The following SFXN5 variants were observed in gnomAD, a reference collection of about 807,000 sequenced individuals.
SFXN5 encodes sideroflexin-5.
Under a neutral mutation model 50.2 loss-of-function variants are expected in SFXN5, and 43 were observed. That is an observed-to-expected ratio of 0.86 (90% CI 0.67 to 1.11). The LOEUF is 1.11. Among genes scored for constraint, SFXN5 ranks in the 50% least tolerant of loss-of-function variants. The probability of loss-of-function intolerance (pLI) is 0.00; values close to 1 mark genes in which losing one functional copy is unlikely to be tolerated. For synonymous variants in SFXN5, 203 were observed against 185.8 expected, an observed-to-expected ratio of 1.09 and a Z score of -0.75; for missense variants, 463 against 454.1, an observed-to-expected ratio of 1.02 and a Z score of -0.18.
intron 2 of SFXN5, among the ~76,000 whole-genome samples, chr2:73,055,583 CT>C (rs964640477): frequency 1.3e-5 from 2 of 148,232 alleles, no homozygotes; most frequent in African/African-American, 5.0e-5. Context: ...GGGTGGATTT[CT>C]TTTTTTTCTT....
At chr2:73,029,071 G>A (rs952835234) in intron 3 of SFXN5, among the ~76,000 whole-genome samples, 16 of 152,172 alleles carry the variant, frequency 1.1e-4, no homozygotes, top group Non-Finnish European at 1.8e-4. Flanking sequence ...TCCTGGGACC[G>A]GGTGCTGGCT....
intron 9 of SFXN5, among the ~76,000 whole-genome samples, chr2:72,993,895 A>T (rs1367845118): frequency 6.6e-6 from 1 of 152,162 alleles, no homozygotes; most frequent in Non-Finnish European, 1.5e-5. Context: ...TATAGCCAGA[A>T]AACACAGGCC....
chr2:72,944,618 C>T lies in SFXN5; in HGVS notation c.*404G>A, dbSNP rs1308831118. The stretch of plus-strand genomic sequence containing the variant: ...AATCTGGCTCGCCTCCACCTGTCCT[C>T]CTGCCACTTCTGGTCAGCTGAAACT... On this transcript the variant is annotated 3_prime_UTR_variant, in exon 14 of 14. Transcript: ENST00000272433. The T allele has an allele frequency of 5.9e-6, 1 of 169,490 alleles. No homozygotes were observed. The highest frequency in any genetic ancestry group is 5.8e-5 in the Admixed American group (1 of 17,340). The allele number at this position is 169,490 out of a possible 1,614,324, so 10.5% of individuals were successfully genotyped here.
At chr2:73,030,010 T>C (rs1678094579) in intron 3 of SFXN5, among the ~76,000 whole-genome samples, 1 of 152,082 alleles carries the variant, frequency 6.6e-6, no homozygotes, top group Non-Finnish European at 1.5e-5. Flanking sequence ...AAGCAGAGGC[T>C]GCAGTGAGCT....
chr2:73,033,078 C>T (rs907963265), intron 3 of SFXN5, among the ~76,000 whole-genome samples: 4 of 152,160 alleles, frequency 2.6e-5, no homozygotes, highest in African/African-American at 7.2e-5. Flanking sequence ...CTAGATCTCC[C>T]GCTTGCTGGC....
At chr2:72,949,274 T>C (rs944469273) in intron 13 of SFXN5, among the ~76,000 whole-genome samples, 6 of 151,950 alleles carry the variant, frequency 3.9e-5, no homozygotes, top group African/African-American at 9.7e-5. Context: ...CTGAGGGCAA[T>C]AGGGAGCCAC....
intron 3 of SFXN5, among the ~76,000 whole-genome samples, chr2:73,034,323 C>A (rs1379000500): frequency 6.6e-6 from 1 of 152,252 alleles, no homozygotes; most frequent in East Asian, 1.9e-4. Flanking sequence ...GTCAGCCAAG[C>A]CTTCCCTTCG....
intron 9 of SFXN5, 40 bp downstream of exon 9, chr2:72,998,909 A>G (rs1673572987): frequency 6.2e-7 from 1 of 1,605,744 alleles, no homozygotes; most frequent in African/African-American, 1.3e-5. Context: ...GTGGCCCCAG[A>G]GCAGCAGAGC....
At chr2:72,948,358 A>G (rs1349906080) in intron 13 of SFXN5, among the ~76,000 whole-genome samples, 1 of 152,262 alleles carries the variant, frequency 6.6e-6, no homozygotes, top group Non-Finnish European at 1.5e-5. Flanking sequence ...TAATTGCAAA[A>G]TTGTATTTCT....
At chr2:72,995,400 CCCACCCTGGTGGTCCTGCAA>C (rs1232793552) in intron 9 of SFXN5, among the ~76,000 whole-genome samples, 2 of 152,236 alleles carry the variant, frequency 1.3e-5, no homozygotes, top group South Asian at 4.1e-4. Flanking sequence ...GGCTGCTAAT[CCCACCCTGGTGGTCCTGCAA>C]CCAGCAGGAG....
chr2:73,065,459 G>A (rs1304270732), intron 1 of SFXN5, among the ~76,000 whole-genome samples: 1 of 151,848 alleles, frequency 6.6e-6, no homozygotes, highest in Non-Finnish European at 1.5e-5. Context: ...GGAGTGCAAT[G>A]GTGCAATCTC....
chr2:72,970,035 C>T (rs1239810346), intron 11 of SFXN5, among the ~76,000 whole-genome samples: 1 of 152,164 alleles, frequency 6.6e-6, no homozygotes, highest in Admixed American at 6.5e-5. Flanking sequence ...TGGAGTCCTT[C>T]CCCGGACAGC....
At chr2:73,063,476 G>T (rs1682959686) in intron 1 of SFXN5, among the ~76,000 whole-genome samples, 1 of 152,206 alleles carries the variant, frequency 6.6e-6, no homozygotes, top group Admixed American at 6.5e-5. Flanking sequence ...AAGCAAGACT[G>T]TGTGAAAAGG....
chr2:73,058,694 G>C, intron 1 of SFXN5, 98 bp from the exon 2 acceptor site: 1 of 1,128,304 alleles, frequency 8.9e-7, no homozygotes, highest in Admixed American at 1.8e-5. Flanking sequence ...GGGGTCCCCC[G>C]GTCCCCAGGA....
chr2:72,964,108 T>C lies in SFXN5; in HGVS notation c.828-2860A>G, dbSNP rs1007661816. Among the ~76,000 whole-genome samples, 8 of 152,330 alleles carry C rather than the reference T, an allele frequency of 5.3e-5. No homozygotes were observed. The East Asian group carries it at 1.2e-3, about 22-fold the overall frequency. On this transcript the variant is annotated intron_variant, in intron 12 of 13. Coordinates refer to ENST00000272433, the MANE Select transcript of SFXN5 (RefSeq NM_144579.3). ...CCCAGGGACCTTGGCTCTGAAAGTA[T>C]CAACCGAGGCCAGAGGCGAAGCAAG...
At chr2:73,025,323 A>G (rs1036512) in intron 3 of SFXN5, among the ~76,000 whole-genome samples, 1 of 151,548 alleles carries the variant, frequency 6.6e-6, no homozygotes, top group African/African-American at 2.4e-5. Context: ...GCATCCTCCC[A>G]CCTCTGGATT....
At chr2:72,995,721 G>T (rs1673144265) in intron 9 of SFXN5, among the ~76,000 whole-genome samples, 1 of 152,158 alleles carries the variant, frequency 6.6e-6, no homozygotes, top group South Asian at 2.1e-4. Flanking sequence ...GAGGGGATTT[G>T]TCACTAATTG....
At chr2:73,059,465 C>G (rs986525848) in intron 1 of SFXN5, 1 of 985,266 alleles carries the variant, frequency 1.0e-6, no homozygotes, top group Non-Finnish European at 1.2e-6. Context: ...GAAACAGAAG[C>G]CTCCACATTC....
intron 10 of SFXN5, among the ~76,000 whole-genome samples, chr2:72,986,564 A>C (rs1008600986): frequency 6.6e-6 from 1 of 152,110 alleles, no homozygotes; most frequent in African/African-American, 2.4e-5. Flanking sequence ...GCCTGTCCCC[A>C]TCGTTGTCCT....
Sources: allele counts gnomAD v4.1 joint callset (sites outside exome capture counted in the v4.1 genomes callset), GRCh38; gene constraint gnomAD v4.1.1; transcripts MANE v1.5; gene names NCBI Gene and HGNC (gene_info 2026-07-23, HGNC 2026-07-21).